CD300A: variants seen among roughly 807,000 people sequenced by gnomAD.
CD300A encodes the protein CD300a molecule, also known as CMRF35-like molecule 8.
In CD300A, 22 loss-of-function variants were observed where a neutral mutation model predicts 33.6. That is an observed-to-expected ratio of 0.66 (90% confidence interval 0.47 to 0.94). CD300A has a LOEUF of 0.94. Ranked by LOEUF, CD300A falls within the 40% of genes least tolerant of loss-of-function variation. CD300A has a pLI of 0.00. For synonymous variants in CD300A, 136 were observed against 148.1 expected (o/e 0.92, Z 0.59); for missense variants, 326 against 360.5 (o/e 0.90, Z 0.77).
chr17:74,482,862 C>G (rs1907002075), intron 6 of CD300A, among the ~76,000 whole-genome samples: 1 of 151,370 alleles, frequency 6.6e-6, no homozygotes, highest in Non-Finnish European at 1.5e-5. Flanking sequence ...AGACACCTGC[C>G]ACTACACTGG....
At chr17:74,482,697 C>CCTTCCTTCCTTCCTTCCCTT (rs760621763) in intron 6 of CD300A, among the ~76,000 whole-genome samples, 2 of 130,132 alleles carry the variant, frequency 1.5e-5, no homozygotes, top group Admixed American at 1.4e-4. Context: ...TTCCTTCCTT[C>CCTTCCTTCCTTCCTTCCCTT]CTTTCTTTCT....
chr17:74,466,979 G>A (rs1200953984), intron 1 of CD300A: 2 of 1,410,764 alleles, frequency 1.4e-6, no homozygotes, highest in Middle Eastern at 2.6e-4. Context: ...ACCACAGCGG[G>A]GCAAGTGATA....
chr17:74,481,753 G>A lies in CD300A; in HGVS notation c.694G>A (p.Ala232Thr), dbSNP rs866310655. 8 of 1,611,842 alleles carry A rather than the reference G, an allele frequency of 5.0e-6. No homozygotes were observed. Among genetic ancestry groups the A allele is most frequent in the South Asian group, 3.3e-5 (3 of 90,556 alleles). ...TGCCACGCAGAGTGAGCTGCACTAC[G>A]CAAATCTGGAGCTGCTGATGTGGCC... ...QAATQSELHY[A>T]NLELLMWPLQ... The change falls in exon 6 of 7, where the codon GCA becomes ACA. Residue 232 changes from alanine (A) to threonine (T), a missense_variant. Ala to Thr is a moderately conservative substitution (Grantham distance 58, BLOSUM62 0). Transcript: ENST00000360141.
At chr17:74,482,697 C>CCTTTCTTTCTTTCTTTCTTTCTTTCTTT (rs146984765) in intron 6 of CD300A, among the ~76,000 whole-genome samples, 1 of 130,132 alleles carries the variant, frequency 7.7e-6, no homozygotes, top group Non-Finnish European at 1.5e-5. Context: ...TTCCTTCCTT[C>CCTTTCTTTCTTTCTTTCTTTCTTTCTTT]CTTTCTTTCT....
chr17:74,470,616 T>G (rs1013374967), intron 1 of CD300A, among the ~76,000 whole-genome samples: 13 of 151,776 alleles, frequency 8.6e-5, no homozygotes, highest in African/African-American at 2.9e-4. Flanking sequence ...GCAGGAACAG[T>G]GTCTTGGGTG....
intron 1 of CD300A, chr17:74,470,126 G>T (rs1329520756): frequency 3.0e-6 from 3 of 985,244 alleles, no homozygotes; most frequent in African/African-American, 1.7e-5. Flanking sequence ...TGGCCCCAAG[G>T]TGGTCCCCAG....
rs977619437 is a variant in CD300A at position 74,481,154 on chromosome 17, A to G, written c.629-135A>G. 27 of 694,296 alleles carry G rather than the reference A, an allele frequency of 3.9e-5. No individual in the cohort carries two copies. The African/African-American group carries it at 4.5e-4, about 11-fold the overall frequency. The allele number at this position is 694,296 out of a possible 1,614,324, so 43.0% of individuals were successfully genotyped here. ...CTCAACAAACCCTTGAGTTCCTACC[A>G]TGCTTCAGGCCTGAAGGGATAGGTC... On this transcript the variant is annotated intron_variant, in intron 4 of 6. Coordinates refer to ENST00000360141, the MANE Select transcript of CD300A (RefSeq NM_007261.4).
At chr17:74,471,682 C>G (rs901048985) in intron 1 of CD300A, among the ~76,000 whole-genome samples, 2 of 152,170 alleles carry the variant, frequency 1.3e-5, no homozygotes, top group Non-Finnish European at 2.9e-5. Context: ...CTGTGACAAG[C>G]TTAGAAAGGC....
chr17:74,481,734 G>C lies in CD300A; in HGVS notation c.675G>C (p.Thr225=). The change falls in exon 6 of 7, where the codon ACG becomes ACC. Residue 225 remains threonine, a synonymous_variant. Coordinates refer to ENST00000360141, the MANE Select transcript of CD300A (RefSeq NM_007261.4). Reference sequence around the variant, plus strand: ...ACCTCCTGCCCACCCAGGCTGCCACGCAGAGTGAGCTGCACTACGCAAATC... The same window carrying C: ...ACCTCCTGCCCACCCAGGCTGCCACCCAGAGTGAGCTGCACTACGCAAATC... ...ELSQNPKQAA[T]QSELHYANLE... The C allele has an allele frequency of 6.2e-7, 1 of 1,609,144 alleles. No homozygotes were observed. Among genetic ancestry groups the C allele is most frequent in the Non-Finnish European group, 8.5e-7 (1 of 1,178,196 alleles).
At chr17:74,466,884 T>G (rs915737651) in intron 1 of CD300A, 141 bp downstream of exon 1, 36 of 1,500,282 alleles carry the variant, frequency 2.4e-5, no homozygotes, top group Middle Eastern at 2.4e-4. Flanking sequence ...GTCTACCACA[T>G]AAGATGGACA....
rs553127894 is a variant in CD300A at position 74,471,110 on chromosome 17, C to T, written c.41-2426C>T. ...CACACGTGTGCACCAGCACACCTGGCTAATTTTTGTATTTTTTTGTAGAGA... is the reference window on the plus strand; with the variant it reads ...CACACGTGTGCACCAGCACACCTGGTTAATTTTTGTATTTTTTTGTAGAGA... On this transcript the variant is annotated intron_variant, in intron 1 of 6. Transcript: ENST00000360141. 3.3e-5 allele frequency among the ~76,000 whole-genome samples: 5 copies of T among 152,258 alleles called. No homozygotes were observed. In the South Asian group the frequency reaches 8.3e-4, roughly 25 times the overall value.
chr17:74,474,565 C>T lies in CD300A; in HGVS notation c.413C>T (p.Ala138Val), dbSNP rs139953037. 1.4e-3 allele frequency: 2,242 copies of T among 1,614,116 alleles called. 6 individuals are homozygous for T. The highest frequency in any genetic ancestry group is 1.7e-3 in the Non-Finnish European group (2,056 of 1,179,950). Residue 138 changes from alanine to valine, a missense_variant, in exon 3 of 7, where the codon GCG becomes GTG. Physicochemically the swap from Ala to Val is moderately conservative, Grantham distance 64 (BLOSUM62 0). Coordinates refer to ENST00000360141, the MANE Select transcript of CD300A (RefSeq NM_007261.4). Reference sequence around the variant, plus strand: ...TCAATGACACCTGCAAGTATCACTGCGGCCAAGACCTCAACAATCACAACT... The same window carrying T: ...TCAATGACACCTGCAAGTATCACTGTGGCCAAGACCTCAACAATCACAACT... ...STSMTPASITAAKTSTITTAF... is the reference protein window; with the variant it reads ...STSMTPASITVAKTSTITTAF...
chr17:74,481,584 G>A (rs892412826), intron 5 of CD300A, 142 bp from the exon 6 acceptor site: 3 of 687,082 alleles, frequency 4.4e-6, no homozygotes, highest in African/African-American at 3.6e-5. Flanking sequence ...TAAACTACTG[G>A]ACGGAGTGGG....
chr17:74,481,643 G>A (rs1415437705), intron 5 of CD300A, 83 bp from the exon 6 acceptor site: 2 of 975,518 alleles, frequency 2.1e-6, no homozygotes, highest in Non-Finnish European at 3.2e-6. Context: ...AGAGCATAGA[G>A]GAAGGGGAGA....
At chr17:74,467,066 G>A in intron 1 of CD300A, 1 of 1,162,616 alleles carries the variant, frequency 8.6e-7, no homozygotes, top group Non-Finnish European at 1.1e-6. Context: ...GGCAGGATGT[G>A]TCAGGGTGGG....
At chr17:74,481,116 A>C (rs1200724421) in intron 4 of CD300A, among the ~76,000 whole-genome samples, 173 bp from the exon 5 acceptor site, 1 of 151,948 alleles carries the variant, frequency 6.6e-6, no homozygotes, top group African/African-American at 2.4e-5. Context: ...TTACTAAGTC[A>C]CTAATTCACT....
Position 74,473,646 on chromosome 17 carries a change from A to G in CD300A, c.151A>G (p.Arg51Gly). The G allele has an allele frequency of 6.2e-7, 1 of 1,614,244 alleles. No individual in the cohort carries two copies. The highest frequency in any genetic ancestry group is 2.2e-5 in the East Asian group (1 of 44,886). ...CAGGACCCTCAACAAATACTGGTGC[A>G]GACCACCACAGATTTTCCTATGTGA... The part of the protein sequence containing the change: ...EHRTLNKYWC[R>G]PPQIFLCDKI... The change falls in exon 2 of 7, where the codon AGA becomes GGA. Residue 51 changes from arginine to glycine, a missense_variant. Arg to Gly is a moderately radical substitution (Grantham distance 125). Transcript: ENST00000360141.
At chr17:74,476,506 C>A (rs568475692) in intron 3 of CD300A, among the ~76,000 whole-genome samples, 3 of 151,782 alleles carry the variant, frequency 2.0e-5, no homozygotes, top group Non-Finnish European at 4.4e-5. Flanking sequence ...GTGCAGTTTG[C>A]GGGGTGGGTT....
chr17:74,481,408 G>A, intron 5 of CD300A, 82 bp downstream of exon 5: 1 of 1,298,336 alleles, frequency 7.7e-7, no homozygotes, highest in Non-Finnish European at 1.1e-6. Context: ...AGTCCCATCG[G>A]CCAACGGAGG....
Sources: gnomAD v4.1 joint callset for allele counts (sites outside exome capture counted in the v4.1 genomes callset) on GRCh38, gnomAD v4.1.1 for gene constraint, MANE v1.5 for transcripts, NCBI Gene and HGNC (gene_info 2026-07-23, HGNC 2026-07-21) for gene names.